The following ERC2 variants were observed in gnomAD, a reference collection of about 807,000 sequenced individuals.
ERC2 encodes ERC protein 2.
ERC2 carries 42 observed loss-of-function variants against 114.8 expected under a neutral mutation model. That is an observed-to-expected ratio of 0.37 (90% confidence interval 0.29 to 0.47). ERC2 has a LOEUF of 0.47. Among genes scored for constraint, ERC2 ranks in the 20% least tolerant of loss-of-function variants. The pLI, the probability that ERC2 is intolerant of heterozygous loss-of-function variation, is 0.99. For missense variants in ERC2, 939 were observed against 1,150.7 expected (o/e 0.82, Z 2.66); for synonymous variants, 454 against 425.5 (o/e 1.07, Z -0.82).
chr3:56,141,698 G>A (rs2080862594), intron 5 of ERC2, among the ~76,000 whole-genome samples: 1 of 151,946 alleles, frequency 6.6e-6, no homozygotes, highest in African/African-American at 2.4e-5. Flanking sequence ...ATATCTCATG[G>A]TTTATCGCCA....
intron 2 of ERC2, among the ~76,000 whole-genome samples, chr3:56,327,179 G>A (rs1172547344): frequency 6.6e-6 from 1 of 152,230 alleles, no homozygotes; most frequent in Non-Finnish European, 1.5e-5. Flanking sequence ...ATAAAGGAAA[G>A]AGGTTTGATT....
chr3:56,018,773 T>A, intron 8 of ERC2, 121 bp downstream of exon 8: 2 of 1,106,222 alleles, frequency 1.8e-6, no homozygotes, highest in Non-Finnish European at 2.6e-6. Context: ...AAGGACCAGC[T>A]GGGACTAAAG....
chr3:56,389,335 C>G (rs1488480523), intron 2 of ERC2, among the ~76,000 whole-genome samples: 2 of 152,140 alleles, frequency 1.3e-5, no homozygotes, highest in Non-Finnish European at 2.9e-5. Context: ...GCCAGACTCA[C>G]TATGGAATGA....
At chr3:56,393,340 G>A (rs1157359688) in intron 2 of ERC2, among the ~76,000 whole-genome samples, 1 of 152,190 alleles carries the variant, frequency 6.6e-6, no homozygotes, top group Admixed American at 6.5e-5. Context: ...AGAAGTTGTA[G>A]TTAGCCGAGA....
chr3:56,155,656 G>C (rs1337487575), intron 4 of ERC2, among the ~76,000 whole-genome samples: 1 of 152,154 alleles, frequency 6.6e-6, no homozygotes, highest in East Asian at 1.9e-4. Context: ...TGCCATAGCA[G>C]AGTCAAGAAA....
chr3:56,024,377 A>G (rs1216609440), intron 7 of ERC2, among the ~76,000 whole-genome samples: 1 of 152,226 alleles, frequency 6.6e-6, no homozygotes, highest in African/African-American at 2.4e-5. Flanking sequence ...GCAATACTAC[A>G]TATTAACTTA....
intron 7 of ERC2, among the ~76,000 whole-genome samples, chr3:56,078,228 G>A (rs1398813960): frequency 2.6e-5 from 4 of 152,188 alleles, no homozygotes; most frequent in African/African-American, 9.7e-5. Context: ...TGTCCATGAA[G>A]AGCTCTACAG....
At chr3:56,069,913 A>T (rs559606271) in intron 7 of ERC2, among the ~76,000 whole-genome samples, 4 of 152,324 alleles carry the variant, frequency 2.6e-5, no homozygotes, top group African/African-American at 9.6e-5. Context: ...TAGTATAATC[A>T]GGTGAGTACA....
chr3:56,034,595 T>C (rs2074675196), intron 7 of ERC2, among the ~76,000 whole-genome samples: 1 of 152,114 alleles, frequency 6.6e-6, no homozygotes, highest in Admixed American at 6.6e-5. Context: ...CACCAAACAG[T>C]CTTGAAAATT....
At chr3:55,917,012 A>T (rs916418805) in intron 13 of ERC2, among the ~76,000 whole-genome samples, 2 of 152,282 alleles carry the variant, frequency 1.3e-5, no homozygotes, top group South Asian at 2.1e-4. Flanking sequence ...TATTGTAATT[A>T]TTCCATTATT....
intron 13 of ERC2, among the ~76,000 whole-genome samples, chr3:55,948,008 T>C (rs2067244443): frequency 6.6e-6 from 1 of 152,236 alleles, no homozygotes; most frequent in African/African-American, 2.4e-5. Context: ...AAATATTTCG[T>C]ACTGTGCTAT....
chr3:56,155,952 T>C (rs1028827465), intron 4 of ERC2, among the ~76,000 whole-genome samples: 6 of 152,130 alleles, frequency 3.9e-5, no homozygotes, highest in Admixed American at 2.6e-4. Context: ...TGCTGCAGAA[T>C]GATAATCAGT....
At chr3:56,139,943 A>G (rs770607805) in intron 5 of ERC2, among the ~76,000 whole-genome samples, 18 of 152,152 alleles carry the variant, frequency 1.2e-4, no homozygotes, top group Non-Finnish European at 2.1e-4. Context: ...CAAATTTCAC[A>G]ATGGAATGAA....
At chr3:56,219,042 C>T (rs531558433) in intron 3 of ERC2, among the ~76,000 whole-genome samples, 48 of 152,108 alleles carry the variant, frequency 3.2e-4, no homozygotes, top group Non-Finnish European at 6.2e-4. Context: ...ATGTAAATGA[C>T]GAGTTAATGG....
intron 14 of ERC2, among the ~76,000 whole-genome samples, chr3:55,783,664 T>C (rs2069243446): frequency 6.6e-6 from 1 of 152,164 alleles, no homozygotes; most frequent in Non-Finnish European, 1.5e-5. Flanking sequence ...GTGCCTATCA[T>C]TTGGGCTTAC....
chr3:55,607,432 A>C (rs958755525), intron 17 of ERC2, among the ~76,000 whole-genome samples: 3 of 152,084 alleles, frequency 2.0e-5, no homozygotes, highest in Non-Finnish European at 4.4e-5. Flanking sequence ...CGAAGGGCTG[A>C]AAGTCCTTTG....
intron 17 of ERC2, among the ~76,000 whole-genome samples, chr3:55,564,613 A>G (rs1171710661): frequency 6.6e-6 from 1 of 152,240 alleles, no homozygotes; most frequent in Non-Finnish European, 1.5e-5. Context: ...ACACACAGCT[A>G]TTAGAATAAT....
At chr3:56,296,484 C>T (rs576182478) in intron 2 of ERC2, 49 bp from the exon 3 acceptor site, 1 of 1,542,638 alleles carries the variant, frequency 6.5e-7, no homozygotes, top group African/African-American at 1.4e-5. Flanking sequence ...GAAAAAAAGT[C>T]AATGAAAATG....
At chr3:55,582,862 T>C (rs1003613170) in intron 17 of ERC2, among the ~76,000 whole-genome samples, 2 of 152,222 alleles carry the variant, frequency 1.3e-5, no homozygotes, top group Non-Finnish European at 2.9e-5. Flanking sequence ...CTCAATGTAC[T>C]GCATGGTGGT....
Sources: gnomAD v4.1 joint callset for allele counts (sites outside exome capture counted in the v4.1 genomes callset) on GRCh38, gnomAD v4.1.1 for gene constraint, MANE v1.5 for transcripts, NCBI Gene and HGNC (gene_info 2026-07-23, HGNC 2026-07-21) for gene names.